XRN1: variants seen among roughly 807,000 people sequenced by gnomAD.
The protein encoded by XRN1 is strand-exchange protein 1 homolog.
XRN1 carries 67 observed loss-of-function variants against 222.3 expected under a neutral mutation model. That is an observed-to-expected ratio of 0.30 (90% confidence interval 0.25 to 0.37). XRN1 has a LOEUF of 0.37. Ranked by LOEUF, XRN1 falls within the 10% of genes least tolerant of loss-of-function variation. The pLI, the probability that XRN1 is intolerant of heterozygous loss-of-function variation, is 1.00. For missense variants in XRN1, 1,707 were observed against 2,000.2 expected, an observed-to-expected ratio of 0.85 and a Z score of 2.80; for synonymous variants, 643 against 652.4, an observed-to-expected ratio of 0.99 and a Z score of 0.22.
At chr3:142,395,692 C>T (rs1180194704) in intron 20 of XRN1, among the ~76,000 whole-genome samples, 1 of 152,204 alleles carries the variant, frequency 6.6e-6, no homozygotes, top group Admixed American at 6.5e-5. Flanking sequence ...TAAATCTCTT[C>T]AAAATATACG....
Position 142,329,439 on chromosome 3 carries a change from G to A in XRN1, c.4399C>T (p.Pro1467Ser). ...PQPDFSFLRM[P>S]QTMTVCQVKL... Reference sequence around the variant, plus strand: ...AGAACAGTAGTATACTATACCTGTGGCATCCTAAGAAAGGAGAAATCAGGT... The same window carrying A: ...AGAACAGTAGTATACTATACCTGTGACATCCTAAGAAAGGAGAAATCAGGT... Residue 1467 changes from proline (P) to serine (S), a missense_variant, in exon 37 of 41, where the codon CCA becomes TCA. Physicochemically the swap from Pro to Ser is moderately conservative, Grantham distance 74. Coordinates refer to ENST00000392981, the MANE Select transcript of XRN1 (RefSeq NM_001282857.2). 1.9e-6 allele frequency: 3 copies of A among 1,563,846 alleles called. No homozygotes were observed. The highest frequency in any genetic ancestry group is 1.2e-5 in the South Asian group (1 of 81,864).
At chr3:142,319,907 T>TACACACACAC (rs113013809) in intron 37 of XRN1, among the ~76,000 whole-genome samples, 3 of 148,814 alleles carry the variant, frequency 2.0e-5, no homozygotes, top group Non-Finnish European at 4.5e-5. Flanking sequence ...GGTGTGTGTA[T>TACACACACAC]ACACACACAC....
chr3:142,431,045 T>C (rs1323118787), intron 2 of XRN1, among the ~76,000 whole-genome samples: 2 of 152,210 alleles, frequency 1.3e-5, no homozygotes, highest in African/African-American at 4.8e-5. Context: ...AAAATCAGCA[T>C]CTAACCCAGA....
At position 142,437,564 on chromosome 3, in the gene XRN1, C is replaced by G. The variant is rs949684529; in HGVS notation, c.76-4671G>C. ...TTCCCCACCAATCCTATATTCTTTCCTCTTTCTACATATCTTTACAAGCTA... is the reference window on the plus strand; with the variant it reads ...TTCCCCACCAATCCTATATTCTTTCGTCTTTCTACATATCTTTACAAGCTA... On this transcript the variant is annotated intron_variant, in intron 1 of 40. Transcript: ENST00000392981. 3.1e-4 allele frequency among the ~76,000 whole-genome samples: 47 copies of G among 152,332 alleles called. 1 individual carries two copies. The highest frequency in any genetic ancestry group is 3.4e-3 in the Middle Eastern group (1 of 294).
intron 36 of XRN1, among the ~76,000 whole-genome samples, chr3:142,331,108 G>A (rs1178435827): frequency 2.0e-5 from 3 of 152,194 alleles, no homozygotes; most frequent in Non-Finnish European, 4.4e-5. Context: ...GTGGGCCAAC[G>A]TGCCCAGCCA....
chr3:142,365,232 T>C, intron 28 of XRN1, 53 bp from the exon 29 acceptor site: 1 of 1,582,570 alleles, frequency 6.3e-7, no homozygotes, highest in Non-Finnish European at 8.6e-7. Flanking sequence ...TTCATACTAA[T>C]ATACTGAAAA....
rs113532945 is a variant in XRN1 at position 142,324,505 on chromosome 3, A to T, written c.4404+4929T>A. 8.3e-3 allele frequency among the ~76,000 whole-genome samples: 1,264 copies of T among 152,104 alleles called. 19 individuals carry two copies. Among genetic ancestry groups the T allele is most frequent in the African/African-American group, 0.028 (1,155 of 41,468 alleles). On this transcript the variant is annotated intron_variant, in intron 37 of 40. Transcript: ENST00000392981. ...TAATCCAGTCTATCGTTGTTGGACAATTGGGTTGGTTCCAAGTCTTTGCTA... is the reference window on the plus strand; with the variant it reads ...TAATCCAGTCTATCGTTGTTGGACATTTGGGTTGGTTCCAAGTCTTTGCTA...
At chr3:142,403,589 T>C in intron 18 of XRN1, 85 bp downstream of exon 18, 7 of 1,266,488 alleles carry the variant, frequency 5.5e-6, no homozygotes, top group Non-Finnish European at 4.5e-6. Flanking sequence ...TTACAACATA[T>C]AATACCTCCC....
Position 142,311,031 on chromosome 3 carries a change from T to G in XRN1, c.*480A>C. The G allele has an allele frequency of 6.5e-6, 1 of 152,982 alleles. No homozygotes were observed. 9.5% of individuals were successfully genotyped at this position (152,982 alleles called of 1,614,324 possible). On this transcript the variant is annotated 3_prime_UTR_variant, in exon 41 of 41. Coordinates refer to ENST00000392981, the MANE Select transcript of XRN1 (RefSeq NM_001282857.2). The stretch of plus-strand genomic sequence containing the variant: ...AGAGCCATTCTCCTGACAATTTTCT[T>G]ACATCATTAAAAAGAGAAATAAAAT...
At chr3:142,341,374 G>A (rs2065989462) in intron 33 of XRN1, among the ~76,000 whole-genome samples, 2 of 152,044 alleles carry the variant, frequency 1.3e-5, no homozygotes, top group African/African-American at 2.4e-5. Context: ...AGGAAAGGAG[G>A]AAGAGAAGAC....
intron 27 of XRN1, among the ~76,000 whole-genome samples, chr3:142,369,066 T>C (rs1314639820): frequency 4.4e-4 from 67 of 152,024 alleles, no homozygotes; most frequent in Non-Finnish European, 5.9e-5. Context: ...AAACTCAGGG[T>C]GTTAGGGGAG....
Position 142,447,994 on chromosome 3 carries a change from CCCGCCGGGGCT to C in XRN1, c.-61_-51del. On this transcript the variant is annotated 5_prime_UTR_variant, in exon 1 of 41. Coordinates refer to ENST00000392981, the MANE Select transcript of XRN1 (RefSeq NM_001282857.2). This position sits in a 1 kb window ranked among gnomAD's most constrained non-coding sequence, Gnocchi z 4.2. ...TCAGGGCCAAACCGAAACCAAACGC[CCCGCCGGGGCT>C]CCGCCGCAGCCTCCGGTCGTCGCTC... The C allele has an allele frequency of 6.3e-7, 1 of 1,591,672 alleles. No individual in the cohort carries two copies. Among genetic ancestry groups the C allele is most frequent in the Non-Finnish European group, 8.6e-7 (1 of 1,163,308 alleles).
chr3:142,444,428 C>T (rs1011260886), intron 1 of XRN1, among the ~76,000 whole-genome samples: 6 of 152,090 alleles, frequency 3.9e-5, no homozygotes, highest in South Asian at 2.1e-4. Flanking sequence ...CTGGCCAACA[C>T]GGCAAAACTC....
Position 142,370,516 on chromosome 3 carries a change from T to C in XRN1, c.3173A>G (p.Glu1058Gly), listed in dbSNP as rs1210685999. 1 of 1,606,368 alleles carries C rather than the reference T, an allele frequency of 6.2e-7. No individual in the cohort carries two copies. The highest frequency in any genetic ancestry group is 1.1e-5 in the South Asian group (1 of 89,086). ...DLQILDAAIV[E>G]KIEEEVEKCK... Reference sequence around the variant, plus strand: ...CTTTTCGACTTCTTCCTCAATTTTCTCAACAATAGCTGCATCCAGAATTTG... The same window carrying C: ...CTTTTCGACTTCTTCCTCAATTTTCCCAACAATAGCTGCATCCAGAATTTG... Residue 1058 changes from glutamate to glycine, a missense_variant, in exon 27 of 41, where the codon GAG becomes GGG. Glu to Gly is a moderately conservative substitution (Grantham distance 98, BLOSUM62 -2). Coordinates refer to ENST00000392981, the MANE Select transcript of XRN1 (RefSeq NM_001282857.2).
intron 2 of XRN1, among the ~76,000 whole-genome samples, chr3:142,432,154 A>AATTTAT (rs60949376): frequency 8.8e-6 from 1 of 113,298 alleles, no homozygotes; most frequent in African/African-American, 4.7e-5. Context: ...TATAATATAT[A>AATTTAT]ATTTATATAT....
At chr3:142,340,762 T>C (rs1577250669) in intron 33 of XRN1, among the ~76,000 whole-genome samples, 1 of 152,176 alleles carries the variant, frequency 6.6e-6, no homozygotes, top group Non-Finnish European at 1.5e-5. Flanking sequence ...GAGAAGACAG[T>C]GGCATGACAT....
At chr3:142,315,512 CTTT>C (rs67808281) in intron 39 of XRN1, among the ~76,000 whole-genome samples, 3 of 140,756 alleles carry the variant, frequency 2.1e-5, no homozygotes. Flanking sequence ...TTTTCTTTTT[CTTT>C]TTTTTTTTTT....
chr3:142,384,433 CTATTTA>C (rs2107946203), intron 21 of XRN1, 84 bp downstream of exon 21: 1 of 1,009,982 alleles, frequency 9.9e-7, no homozygotes, highest in African/African-American at 1.7e-5. Flanking sequence ...CTGAATTAGT[CTATTTA>C]TATTAACATA....
rs2107838388 is a variant in XRN1, at chr3:142,310,350, C to CT, written c.*1160_*1161insA. 6.6e-6 allele frequency: 1 copy of CT among 152,116 alleles called. No individual in the cohort carries two copies. The highest frequency in any genetic ancestry group is 2.1e-4 in the South Asian group (1 of 4,804). The allele number at this position is 152,116 out of a possible 1,614,324, so 9.4% of individuals were successfully genotyped here. ...GAATAAATATATATATATATATAAA[C>CT]ATAGGCCCTGCTGAGAAATCGTCAT... On this transcript the variant is annotated 3_prime_UTR_variant, in exon 41 of 41. Coordinates refer to ENST00000392981, the MANE Select transcript of XRN1 (RefSeq NM_001282857.2).
Sources: gnomAD v4.1 joint callset for allele counts (sites outside exome capture counted in the v4.1 genomes callset) on GRCh38, gnomAD v4.1.1 for gene constraint, Gnocchi (gnomAD v3.1) non-coding constraint, MANE v1.5 for transcripts, NCBI Gene and HGNC (gene_info 2026-07-23, HGNC 2026-07-21) for gene names.